CADPS: variants seen among roughly 807,000 people sequenced by gnomAD.
The protein encoded by CADPS is calcium-dependent secretion activator 1.
In CADPS, 57 loss-of-function variants were observed where a neutral mutation model predicts 167.3. That is an observed-to-expected ratio of 0.34 (90% CI 0.28 to 0.42). The LOEUF (loss-of-function observed/expected upper bound fraction) is 0.42, where lower values mean the gene tolerates loss of function less well. Ranked by LOEUF, CADPS falls within the 20% of genes least tolerant of loss-of-function variation. The probability of loss-of-function intolerance (pLI) is 1.00; values close to 1 mark genes in which losing one functional copy is unlikely to be tolerated. For synonymous variants in CADPS, 676 were observed against 635.3 expected (o/e 1.06, Z -0.96); for missense variants, 1,414 against 1,738.1 (o/e 0.81, Z 3.32).
At position 62,466,334 on chromosome 3, in the gene CADPS, G is replaced by A. The variant is rs752655788; in HGVS notation, c.3552+5C>T. The A allele has an allele frequency of 6.3e-7, 1 of 1,598,774 alleles. No homozygotes were observed. Among genetic ancestry groups the A allele is most frequent in the South Asian group, 1.1e-5 (1 of 90,656 alleles). ...TGAAACATTTCACCTGAAGCTGGAG[G>A]TTACCTTTGCAACCAAGAGTGTTAT... is the stretch of plus-strand genomic sequence containing the variant. On this transcript the variant is annotated splice_donor_5th_base_variant and intron_variant, in intron 25 of 29. Coordinates refer to ENST00000383710, the MANE Select transcript of CADPS (RefSeq NM_003716.4).
intron 1 of CADPS, among the ~76,000 whole-genome samples, chr3:62,774,905 T>C (rs1283813791): frequency 6.6e-6 from 1 of 152,358 alleles, no homozygotes; most frequent in East Asian, 1.9e-4. Context: ...TGGTATTTTC[T>C]TGAAAGTTAG....
chr3:62,627,266 G>C (rs1040950105), intron 6 of CADPS, among the ~76,000 whole-genome samples: 1 of 151,910 alleles, frequency 6.6e-6, no homozygotes, highest in East Asian at 1.9e-4. Flanking sequence ...AAAGCAGTTA[G>C]TTTTAAATTA....
intron 4 of CADPS, among the ~76,000 whole-genome samples, chr3:62,661,714 G>A (rs1057122597): frequency 1.3e-5 from 2 of 152,084 alleles, no homozygotes; most frequent in African/African-American, 4.8e-5. Flanking sequence ...CTGCAGCCAG[G>A]GATACCCATT....
At chr3:62,745,178 G>A (rs908081517) in intron 3 of CADPS, among the ~76,000 whole-genome samples, 4 of 152,032 alleles carry the variant, frequency 2.6e-5, no homozygotes, top group African/African-American at 9.7e-5. Context: ...GGCTTCCCAG[G>A]CTCAAGTAAT....
At chr3:62,771,267 G>A (rs2088652350) in intron 1 of CADPS, among the ~76,000 whole-genome samples, 1 of 152,196 alleles carries the variant, frequency 6.6e-6, no homozygotes, top group African/African-American at 2.4e-5. Context: ...CAGGCACAGT[G>A]TTAGGCTCTG....
rs1156934580 is a variant in CADPS, at chr3:62,804,791, T to G, written c.442-38807A>C. 2.0e-5 allele frequency among the ~76,000 whole-genome samples: 3 copies of G among 152,142 alleles called. No homozygotes were observed. The East Asian group carries it at 5.8e-4, about 29-fold the overall frequency. On this transcript the variant is annotated intron_variant, in intron 1 of 29. Transcript: ENST00000383710. ...ATTTTATCTTTATTTATTTATATAT[T>G]TGTTTATTTACTTCAAATGGTGAAA... is the stretch of plus-strand genomic sequence containing the variant.
At chr3:62,710,200 G>A (rs1490405527) in intron 3 of CADPS, among the ~76,000 whole-genome samples, 1 of 151,612 alleles carries the variant, frequency 6.6e-6, no homozygotes, top group Non-Finnish European at 1.5e-5. Flanking sequence ...CCGTGAACTT[G>A]TTGACTGAGT....
At chr3:62,561,454 G>A (rs549592178) in intron 9 of CADPS, among the ~76,000 whole-genome samples, 5 of 150,962 alleles carry the variant, frequency 3.3e-5, no homozygotes, top group South Asian at 2.1e-4. Context: ...TAGAGATGGT[G>A]GGGGGGATGT....
At chr3:62,855,091 A>ATTTTTTTTTTTTTTTTTTTTTTTTTTTTT (rs554197608) in intron 1 of CADPS, among the ~76,000 whole-genome samples, 7 of 92,710 alleles carry the variant, frequency 7.6e-5, no homozygotes, top group Admixed American at 1.4e-4. Context: ...TGCCCGGCTA[A>ATTTTTTTTTTTTTTTTTTTTTTTTTTTTT]TTTTTTTTTT....
chr3:62,539,702 A>G (rs1456225054), intron 11 of CADPS, among the ~76,000 whole-genome samples: 1 of 152,168 alleles, frequency 6.6e-6, no homozygotes, highest in East Asian at 1.9e-4. Flanking sequence ...AGTTAAAATC[A>G]TAAGTTTATC....
intron 13 of CADPS, among the ~76,000 whole-genome samples, chr3:62,522,917 G>A (rs866960077): frequency 1.3e-5 from 2 of 152,170 alleles, no homozygotes; most frequent in Non-Finnish European, 2.9e-5. Flanking sequence ...CATCACTGGA[G>A]CCAGAAATGA....
At chr3:62,746,310 T>A (rs498746) in intron 3 of CADPS, among the ~76,000 whole-genome samples, 84,476 of 152,006 alleles carry the variant, frequency 0.56, 24,573 homozygotes, top group African/African-American at 0.71. Flanking sequence ...ACTAACTTCA[T>A]GGGCCAGACT....
intron 29 of CADPS, among the ~76,000 whole-genome samples, chr3:62,400,192 T>A (rs1705386527): frequency 6.6e-6 from 1 of 152,188 alleles, no homozygotes; most frequent in Non-Finnish European, 1.5e-5. Flanking sequence ...TCTTCTCTCC[T>A]TGGGAAAGAA....
chr3:62,806,167 A>C (rs2094082171), intron 1 of CADPS, among the ~76,000 whole-genome samples: 2 of 152,150 alleles, frequency 1.3e-5, no homozygotes, highest in South Asian at 4.1e-4. Context: ...ATGAGAGCCT[A>C]ACCCTTCCCT....
At chr3:62,516,669 T>C (rs1225402702) in intron 14 of CADPS, 26 bp from the exon 15 acceptor site, 2 of 1,555,910 alleles carry the variant, frequency 1.3e-6, no homozygotes, top group East Asian at 4.5e-5. Flanking sequence ...TTCTTCAGGT[T>C]GCCTAAATTA....
chr3:62,562,619 G>A (rs1213737843), intron 9 of CADPS, among the ~76,000 whole-genome samples: 1 of 152,182 alleles, frequency 6.6e-6, no homozygotes, highest in Non-Finnish European at 1.5e-5. Flanking sequence ...ATAGATATAA[G>A]CCACTGCACC....
chr3:62,698,617 A>C (rs988959461), intron 3 of CADPS, among the ~76,000 whole-genome samples: 5 of 107,098 alleles, frequency 4.7e-5, no homozygotes, highest in Non-Finnish European at 8.5e-5. Context: ...GGTGGTTCTT[A>C]TTCTTGTTCT....
intron 3 of CADPS, among the ~76,000 whole-genome samples, chr3:62,669,894 C>T (rs2075200466): frequency 6.6e-6 from 1 of 152,178 alleles, no homozygotes; most frequent in Non-Finnish European, 1.5e-5. Context: ...AGTTCTGATT[C>T]TGCAGCACTT....
chr3:62,659,212 C>T (rs184757336), intron 4 of CADPS, among the ~76,000 whole-genome samples: 6 of 152,176 alleles, frequency 3.9e-5, no homozygotes, highest in Admixed American at 1.3e-4. Context: ...CACATCCTCA[C>T]GAAAATTCAC....
Sources: allele counts gnomAD v4.1 joint callset (sites outside exome capture counted in the v4.1 genomes callset), GRCh38; gene constraint gnomAD v4.1.1; transcripts MANE v1.5; gene names NCBI Gene and HGNC (gene_info 2026-07-23, HGNC 2026-07-21).